The following DZANK1 variants were observed in gnomAD, a reference collection of about 807,000 sequenced individuals.
DZANK1 encodes the protein double zinc ribbon and ankyrin repeat domains 1, also known as double zinc ribbon and ankyrin repeat-containing protein 1.
A neutral mutation model predicts 94.5 loss-of-function variants in DZANK1; 91 were observed. That is an observed-to-expected ratio of 0.96 (90% CI 0.81 to 1.15). DZANK1 has a LOEUF of 1.15. DZANK1 is among the 50% of genes most tolerant of loss of function. The pLI is 0.00. For synonymous variants in DZANK1, 312 were observed against 325.3 expected (o/e 0.96, Z 0.44); for missense variants, 903 against 916.4 (o/e 0.99, Z 0.19).
intron 7 of DZANK1, among the ~76,000 whole-genome samples, chr20:18,447,379 T>G (rs1459887945): frequency 6.6e-6 from 1 of 152,186 alleles, no homozygotes; most frequent in African/African-American, 2.4e-5. Context: ...TGGAGTGCAG[T>G]GGCACAATCT....
intron 14 of DZANK1, among the ~76,000 whole-genome samples, chr20:18,398,059 T>C (rs544602201): frequency 6.6e-6 from 1 of 152,184 alleles, no homozygotes; most frequent in African/African-American, 2.4e-5. Context: ...TGGTTATTTT[T>C]TTTAAAGTGA....
chr20:18,401,204 T>C (rs2056660133), intron 13 of DZANK1, among the ~76,000 whole-genome samples: 1 of 152,174 alleles, frequency 6.6e-6, no homozygotes, highest in Non-Finnish European at 1.5e-5. Context: ...CCCAAAGTGT[T>C]CTGATTACAG....
intron 9 of DZANK1, among the ~76,000 whole-genome samples, chr20:18,430,218 A>C (rs189026388): frequency 6.6e-6 from 1 of 152,328 alleles, no homozygotes; most frequent in African/African-American, 2.4e-5. Context: ...TGACTAAGAT[A>C]AAGTTCTGCT....
intron 13 of DZANK1, among the ~76,000 whole-genome samples, chr20:18,412,056 TACC>T (rs1340347960): frequency 2.6e-5 from 4 of 152,126 alleles, no homozygotes; most frequent in Non-Finnish European, 4.4e-5. Flanking sequence ...CGCCACTTAA[TACC>T]ACCACAATAG....
At chr20:18,400,802 C>G (rs1166438313) in intron 13 of DZANK1, among the ~76,000 whole-genome samples, 1 of 152,184 alleles carries the variant, frequency 6.6e-6, no homozygotes, top group Non-Finnish European at 1.5e-5. Context: ...GGCTAGGATA[C>G]AGAAGTGAAC....
At chr20:18,444,959 C>A (rs1256614629) in intron 7 of DZANK1, among the ~76,000 whole-genome samples, 1 of 152,020 alleles carries the variant, frequency 6.6e-6, no homozygotes, top group Non-Finnish European at 1.5e-5. Context: ...TGCCACCAAG[C>A]CCGGCTAATT....
Position 18,385,015 on chromosome 20 carries a change from C to T in DZANK1, c.2093+1G>A, listed in dbSNP as rs1241714884. 6.4e-7 allele frequency: 1 copy of T among 1,552,442 alleles called. No individual in the cohort carries two copies. The highest frequency in any genetic ancestry group is 8.7e-7 in the Non-Finnish European group (1 of 1,147,628). The stretch of plus-strand genomic sequence containing the variant: ...TATCCATCAGAGGCCAGGGGACATA[C>T]CCCAGTAAAGTGGCGGTGCTCTCTC... On this transcript the variant is annotated splice_donor_variant, in intron 20 of 20. Transcript: ENST00000262547. LOFTEE classifies it high-confidence loss of function.
chr20:18,399,401 T>C (rs1458731676), intron 13 of DZANK1, among the ~76,000 whole-genome samples: 1 of 152,050 alleles, frequency 6.6e-6, no homozygotes, highest in Admixed American at 6.5e-5. Flanking sequence ...GGCTAGTGTT[T>C]GTATTTTTTA....
intron 10 of DZANK1, among the ~76,000 whole-genome samples, chr20:18,419,890 C>CAAAAA (rs74179199): frequency 5.5e-4 from 69 of 124,904 alleles, no homozygotes; most frequent in African/African-American, 1.5e-3. Flanking sequence ...GGTGTAAATA[C>CAAAAA]AAAAAAAAAA....
At chr20:18,446,170 A>G (rs1001042040) in intron 7 of DZANK1, among the ~76,000 whole-genome samples, 6 of 152,054 alleles carry the variant, frequency 3.9e-5, no homozygotes, top group African/African-American at 1.4e-4. Flanking sequence ...CCTTGAATCC[A>G]GGAGTTTGAG....
intron 2 of DZANK1, among the ~76,000 whole-genome samples, chr20:18,464,978 A>C (rs1169771968): frequency 6.6e-6 from 1 of 152,132 alleles, no homozygotes; most frequent in Non-Finnish European, 1.5e-5. Context: ...CCCGGCCAGC[A>C]CCGGGACATC....
At chr20:18,412,321 TA>T (rs35148496) in intron 13 of DZANK1, among the ~76,000 whole-genome samples, 1 of 151,896 alleles carries the variant, frequency 6.6e-6, no homozygotes, top group African/African-American at 2.4e-5. Flanking sequence ...ATTTTACAAT[TA>T]AAAAAAGGGA....
intron 15 of DZANK1, chr20:18,394,858 C>T (rs1260000820): frequency 4.4e-6 from 2 of 456,640 alleles, no homozygotes; most frequent in Non-Finnish European, 8.8e-6. Flanking sequence ...AGTTTCCTCA[C>T]CTGGAAAGTG....
intron 1 of DZANK1, chr20:18,466,721 G>T (rs1203219610): frequency 6.6e-6 from 1 of 152,270 alleles, no homozygotes; most frequent in Non-Finnish European, 1.5e-5. Context: ...GAAAAAAGGC[G>T]GATCCGCCAG....
chr20:18,391,263 T>C (rs2055966418), intron 17 of DZANK1, among the ~76,000 whole-genome samples: 1 of 152,122 alleles, frequency 6.6e-6, no homozygotes, highest in Non-Finnish European at 1.5e-5. Flanking sequence ...AGATGGAGTC[T>C]TGCTCTGTCA....
intron 4 of DZANK1, 77 bp downstream of exon 4, chr20:18,455,170 A>T: frequency 9.2e-7 from 1 of 1,085,552 alleles, no homozygotes; most frequent in Non-Finnish European, 1.4e-6. Flanking sequence ...AGGTAATAAA[A>T]GGCAAGATCT....
intron 15 of DZANK1, among the ~76,000 whole-genome samples, chr20:18,395,631 A>C (rs891280023): frequency 7.9e-5 from 12 of 152,036 alleles, no homozygotes; most frequent in Admixed American, 7.2e-4. Flanking sequence ...ACTGGGGACA[A>C]CTTTGTGGTT....
intron 11 of DZANK1, among the ~76,000 whole-genome samples, chr20:18,415,015 T>C (rs1037779196): frequency 1.3e-5 from 2 of 152,218 alleles, no homozygotes; most frequent in Non-Finnish European, 2.9e-5. Context: ...TTGCATGCGA[T>C]ACTTAAATAA....
At chr20:18,460,461 G>T (rs1601192075) in intron 2 of DZANK1, among the ~76,000 whole-genome samples, 155 bp from the exon 3 acceptor site, 1 of 152,330 alleles carries the variant, frequency 6.6e-6, no homozygotes, top group South Asian at 2.1e-4. Flanking sequence ...ACAGGCATGT[G>T]GCTCACGCCT....
Sources: allele counts gnomAD v4.1 joint callset (sites outside exome capture counted in the v4.1 genomes callset), GRCh38; gene constraint gnomAD v4.1.1; transcripts MANE v1.5; gene names NCBI Gene and HGNC (gene_info 2026-07-23, HGNC 2026-07-21).